DOK6: variants seen among roughly 807,000 people sequenced by gnomAD.
DOK6 encodes docking protein 6, also known as downstream of tyrosine kinase 6.
Under a neutral mutation model 44.0 loss-of-function variants are expected in DOK6, and 22 were observed. The ratio of observed to expected loss-of-function variants is 0.50; its 90% confidence interval spans 0.36 to 0.71. DOK6 has a LOEUF of 0.71. Among genes scored for constraint, DOK6 ranks in the 30% least tolerant of loss-of-function variants. DOK6 has a pLI of 0.00. For synonymous variants in DOK6, 166 were observed against 145.5 expected (o/e 1.14, Z -1.01); for missense variants, 340 against 416.4 (o/e 0.82, Z 1.60).
At chr18:69,530,081 A>T (rs564693685) in intron 1 of DOK6, among the ~76,000 whole-genome samples, 10 of 152,276 alleles carry the variant, frequency 6.6e-5, no homozygotes, top group Admixed American at 5.9e-4. Flanking sequence ...ACTCAAAATT[A>T]TTATTGTTAT....
At chr18:69,583,888 C>A (rs980853652) in intron 2 of DOK6, among the ~76,000 whole-genome samples, 2 of 152,100 alleles carry the variant, frequency 1.3e-5, no homozygotes, top group Non-Finnish European at 2.9e-5. Context: ...GCGGGAGGAT[C>A]ATGAAGTCAG....
At chr18:69,599,787 A>G (rs999688150) in intron 3 of DOK6, among the ~76,000 whole-genome samples, 2 of 152,176 alleles carry the variant, frequency 1.3e-5, no homozygotes, top group Non-Finnish European at 2.9e-5. Flanking sequence ...GGGTGAGTGC[A>G]TGACCAATAT....
intron 3 of DOK6, chr18:69,661,751 T>C (rs913131442): frequency 1.3e-5 from 2 of 152,234 alleles, no homozygotes; most frequent in African/African-American, 4.8e-5. Context: ...AATTAATTCT[T>C]TAAGCTGAAT....
At chr18:69,783,941 C>T (rs185770308) in intron 7 of DOK6, among the ~76,000 whole-genome samples, 62 of 152,304 alleles carry the variant, frequency 4.1e-4, no homozygotes, top group African/African-American at 1.4e-3. Flanking sequence ...TGCCTGTAAT[C>T]CCAGCACTTT....
At chr18:69,831,958 A>T (rs1276931723) in intron 7 of DOK6, among the ~76,000 whole-genome samples, 1 of 150,762 alleles carries the variant, frequency 6.6e-6, no homozygotes, top group Admixed American at 6.6e-5. Flanking sequence ...AGATTTTTCT[A>T]AATATGAGAT....
chr18:69,730,928 C>T (rs1448099616), intron 5 of DOK6, among the ~76,000 whole-genome samples: 1 of 151,914 alleles, frequency 6.6e-6, no homozygotes, highest in Admixed American at 6.6e-5. Context: ...GAAACCCTAG[C>T]TCTACAATAA....
At chr18:69,815,794 T>G (rs1981382265) in intron 7 of DOK6, among the ~76,000 whole-genome samples, 1 of 152,160 alleles carries the variant, frequency 6.6e-6, no homozygotes, top group African/African-American at 2.4e-5. Context: ...TACATGCACA[T>G]ATATATGTAT....
chr18:69,628,212 G>A (rs923840164), intron 3 of DOK6, among the ~76,000 whole-genome samples: 7 of 152,270 alleles, frequency 4.6e-5, no homozygotes, highest in Admixed American at 3.3e-4. Context: ...GGGGAGGCTT[G>A]GTGTGGTGGC....
At chr18:69,481,740 T>A (rs1402714853) in intron 1 of DOK6, among the ~76,000 whole-genome samples, 1 of 152,188 alleles carries the variant, frequency 6.6e-6, no homozygotes, top group East Asian at 1.9e-4. Context: ...ATATACCCAG[T>A]AATGGGATGG....
At chr18:69,771,625 A>G (rs909659974) in intron 7 of DOK6, among the ~76,000 whole-genome samples, 2 of 151,952 alleles carry the variant, frequency 1.3e-5, no homozygotes, top group African/African-American at 4.8e-5. Flanking sequence ...ACAGAGCGCA[A>G]AATCACTGTG....
chr18:69,558,385 C>A (rs1982742238), intron 1 of DOK6, among the ~76,000 whole-genome samples: 1 of 152,030 alleles, frequency 6.6e-6, no homozygotes, highest in African/African-American at 2.4e-5. Flanking sequence ...ACTCCAGTGC[C>A]CTTTTTATTT....
intron 3 of DOK6, among the ~76,000 whole-genome samples, chr18:69,632,132 C>A (rs1156545021): frequency 2.6e-5 from 4 of 152,086 alleles, no homozygotes; most frequent in African/African-American, 9.7e-5. Context: ...GATGACCATG[C>A]AAAAACAGTA....
intron 5 of DOK6, among the ~76,000 whole-genome samples, chr18:69,725,242 G>T (rs373201423): frequency 5.3e-5 from 8 of 152,124 alleles, no homozygotes; most frequent in Non-Finnish European, 1.2e-4. Flanking sequence ...ATCACCACCC[G>T]TCAGCCTGCA....
chr18:69,757,073 G>A (rs921732537), intron 6 of DOK6, among the ~76,000 whole-genome samples: 11 of 152,234 alleles, frequency 7.2e-5, no homozygotes, highest in Admixed American at 2.6e-4. Context: ...GCCGGAGCAC[G>A]TGATATTGTG....
intron 5 of DOK6, among the ~76,000 whole-genome samples, chr18:69,719,101 G>A (rs888030700): frequency 6.6e-6 from 1 of 152,196 alleles, no homozygotes; most frequent in African/African-American, 2.4e-5. Context: ...AGACAGTGGT[G>A]TTGCAACAGA....
intron 3 of DOK6, among the ~76,000 whole-genome samples, chr18:69,609,875 A>G (rs1984096232): frequency 6.6e-6 from 1 of 152,236 alleles, no homozygotes; most frequent in African/African-American, 2.4e-5. Flanking sequence ...AATATGCAAC[A>G]ACATGGATGA....
At chr18:69,448,848 G>T (rs1979372053) in intron 1 of DOK6, among the ~76,000 whole-genome samples, 1 of 152,074 alleles carries the variant, frequency 6.6e-6, no homozygotes, top group South Asian at 2.1e-4. Flanking sequence ...GTATATATTT[G>T]AAAAATATGG....
At chr18:69,795,951 C>G (rs1297144623) in intron 7 of DOK6, among the ~76,000 whole-genome samples, 1 of 150,912 alleles carries the variant, frequency 6.6e-6, no homozygotes, top group African/African-American at 2.4e-5. Context: ...AACTGTGATC[C>G]GAGCTCATCC....
chr18:69,515,764 A>C (rs12969440), intron 1 of DOK6, among the ~76,000 whole-genome samples: 1 of 151,894 alleles, frequency 6.6e-6, no homozygotes, highest in Non-Finnish European at 1.5e-5. Flanking sequence ...TTTGAGGGGG[A>C]AAAATAAGTT....
Sources: gnomAD v4.1 joint callset for allele counts (sites outside exome capture counted in the v4.1 genomes callset) on GRCh38, gnomAD v4.1.1 for gene constraint, MANE v1.5 for transcripts, NCBI Gene and HGNC (gene_info 2026-07-23, HGNC 2026-07-21) for gene names.